The following UNC5D variants were observed in gnomAD, a reference collection of about 807,000 sequenced individuals.
UNC5D encodes the protein netrin receptor UNC5D.
In UNC5D, 39 loss-of-function variants were observed where a neutral mutation model predicts 105.4. The observed-to-expected ratio is 0.37, with a 90% CI of 0.29 to 0.48. The LOEUF (loss-of-function observed/expected upper bound fraction) is 0.48, where lower values mean the gene tolerates loss of function less well. UNC5D is among the 20% of genes least tolerant of loss of function. The pLI, the probability that UNC5D is intolerant of heterozygous loss-of-function variation, is 0.98. For missense variants in UNC5D, 991 were observed against 1,202.4 expected, an observed-to-expected ratio of 0.82 and a Z score of 2.60; for synonymous variants, 452 against 450.4, an observed-to-expected ratio of 1.00 and a Z score of -0.04.
chr8:35,420,992 C>T (rs374629928), intron 1 of UNC5D, among the ~76,000 whole-genome samples: 8 of 152,024 alleles, frequency 5.3e-5, no homozygotes, highest in African/African-American at 1.4e-4. Context: ...AAGACTGATC[C>T]CAGGCTAAAT....
At chr8:35,375,085 A>G (rs758461510) in intron 1 of UNC5D, among the ~76,000 whole-genome samples, 8 of 152,224 alleles carry the variant, frequency 5.3e-5, no homozygotes, top group Admixed American at 1.3e-4. Context: ...CCTGTGATGA[A>G]CAGTTGAAAT....
chr8:35,383,989 G>A (rs1803210272), intron 1 of UNC5D, among the ~76,000 whole-genome samples: 1 of 152,090 alleles, frequency 6.6e-6, no homozygotes, highest in Non-Finnish European at 1.5e-5. Context: ...GCCCAGGTGG[G>A]TAGATCACAA....
chr8:35,439,010 A>G (rs995547561), intron 1 of UNC5D, among the ~76,000 whole-genome samples: 3 of 151,842 alleles, frequency 2.0e-5, no homozygotes, highest in African/African-American at 4.8e-5. Flanking sequence ...GATGAATTAG[A>G]CAGCTCTGGT....
chr8:35,401,371 C>G (rs1018724750), intron 1 of UNC5D, among the ~76,000 whole-genome samples: 1 of 152,156 alleles, frequency 6.6e-6, no homozygotes, highest in African/African-American at 2.4e-5. Flanking sequence ...GTAATCTCAG[C>G]TACTCAGGAA....
chr8:35,698,038 C>G (rs544817535), intron 7 of UNC5D, among the ~76,000 whole-genome samples: 6 of 152,286 alleles, frequency 3.9e-5, no homozygotes, highest in African/African-American at 1.4e-4. Flanking sequence ...ACCCTTGACA[C>G]AGCAGGAAGC....
intron 1 of UNC5D, among the ~76,000 whole-genome samples, chr8:35,323,109 A>T (rs1585582103): frequency 1.3e-5 from 2 of 152,106 alleles, no homozygotes; most frequent in South Asian, 2.1e-4. Context: ...ACCAGAAAAG[A>T]TAAATATTAA....
chr8:35,607,889 T>C (rs913671906), intron 4 of UNC5D, among the ~76,000 whole-genome samples: 9 of 151,992 alleles, frequency 5.9e-5, no homozygotes, highest in African/African-American at 2.2e-4. Context: ...AGTATGAAAA[T>C]GGATTAATAC....
intron 1 of UNC5D, among the ~76,000 whole-genome samples, chr8:35,335,996 C>T (rs1811006180): frequency 1.3e-5 from 2 of 151,652 alleles, no homozygotes; most frequent in African/African-American, 4.8e-5. Context: ...ATCTCCTGAC[C>T]TCGTGATCCG....
At chr8:35,518,041 G>T (rs981379652) in intron 1 of UNC5D, among the ~76,000 whole-genome samples, 16 of 151,948 alleles carry the variant, frequency 1.1e-4, no homozygotes, top group Non-Finnish European at 1.8e-4. Context: ...ATGAATTTTG[G>T]GGGGGGCATA....
intron 13 of UNC5D, among the ~76,000 whole-genome samples, chr8:35,753,644 C>G (rs574250206): frequency 6.6e-6 from 1 of 152,278 alleles, no homozygotes; most frequent in East Asian, 1.9e-4. Flanking sequence ...TTGTCCTAAT[C>G]TTTTTACCTC....
intron 1 of UNC5D, among the ~76,000 whole-genome samples, chr8:35,282,485 T>TC (rs1232189656): frequency 6.6e-6 from 1 of 152,208 alleles, no homozygotes; most frequent in Non-Finnish European, 1.5e-5. Flanking sequence ...GTCTCTTCAA[T>TC]AGGGCATAAG....
chr8:35,327,878 T>TTAGA, intron 1 of UNC5D, among the ~76,000 whole-genome samples: 1 of 152,310 alleles, frequency 6.6e-6, no homozygotes, highest in African/African-American at 2.4e-5. Context: ...GTGGCAGCTG[T>TTAGA]TAGATACACT....
At chr8:35,250,535 C>T (rs1803621766) in intron 1 of UNC5D, among the ~76,000 whole-genome samples, 1 of 152,116 alleles carries the variant, frequency 6.6e-6, no homozygotes, top group African/African-American at 2.4e-5. Flanking sequence ...CGCTCTGTTG[C>T]CTAGGCTGGA....
At chr8:35,747,809 G>T (rs1260633082) in intron 11 of UNC5D, among the ~76,000 whole-genome samples, 1 of 152,148 alleles carries the variant, frequency 6.6e-6, no homozygotes, top group Non-Finnish European at 1.5e-5. Context: ...CCATGACACT[G>T]CATTCTCACT....
chr8:35,360,926 A>G (rs940509283), intron 1 of UNC5D, among the ~76,000 whole-genome samples: 3 of 152,016 alleles, frequency 2.0e-5, no homozygotes, highest in Non-Finnish European at 4.4e-5. Context: ...TTGCAAAATT[A>G]CTCTTGCTTT....
chr8:35,679,447 A>G (rs1825505244), intron 4 of UNC5D, among the ~76,000 whole-genome samples: 1 of 152,146 alleles, frequency 6.6e-6, no homozygotes, highest in African/African-American at 2.4e-5. Flanking sequence ...CAGAGGAATC[A>G]GTAGGTATGA....
At chr8:35,732,930 G>C (rs549857344) in intron 11 of UNC5D, among the ~76,000 whole-genome samples, 2 of 152,202 alleles carry the variant, frequency 1.3e-5, no homozygotes, top group South Asian at 4.2e-4. Context: ...AAACAGCTTG[G>C]CCTCCTGTGG....
intron 1 of UNC5D, among the ~76,000 whole-genome samples, chr8:35,265,666 C>T (rs760341509): frequency 6.6e-6 from 1 of 151,962 alleles, no homozygotes; most frequent in Non-Finnish European, 1.5e-5. Context: ...GTCAGGAGAT[C>T]GAGACCGTCC....
rs528015873 is a variant in UNC5D at position 35,450,746 on chromosome 8, G to A, written c.104-98546G>A. Reference sequence around the variant, plus strand: ...CTTCACAATGTTGTGAAAATGATACGCCTTCCATAGAAACCATAATTTGAG... The same window carrying A: ...CTTCACAATGTTGTGAAAATGATACACCTTCCATAGAAACCATAATTTGAG... On this transcript the variant is annotated intron_variant, in intron 1 of 16. Transcript: ENST00000404895. 4.6e-5 allele frequency among the ~76,000 whole-genome samples: 7 copies of A among 152,170 alleles called. No individual in the cohort carries two copies. In the South Asian group the frequency reaches 6.2e-4, roughly 14 times the overall value.
Sources: allele counts gnomAD v4.1 joint callset (sites outside exome capture counted in the v4.1 genomes callset), GRCh38; gene constraint gnomAD v4.1.1; transcripts MANE v1.5; gene names NCBI Gene and HGNC (gene_info 2026-07-23, HGNC 2026-07-21).